Variants in THSD4 observed in about 807,000 individuals in gnomAD.
The protein encoded by THSD4 is thrombospondin type 1 domain containing 4.
Under a neutral mutation model 119.0 loss-of-function variants are expected in THSD4, and 69 were observed. That is an observed-to-expected ratio of 0.58 (90% CI 0.48 to 0.71). The LOEUF (loss-of-function observed/expected upper bound fraction) is 0.71, where lower values mean the gene tolerates loss of function less well. Among genes scored for constraint, THSD4 ranks in the 30% least tolerant of loss-of-function variants. THSD4 has a pLI of 0.00. For missense variants in THSD4, 1,393 were observed against 1,391.1 expected (o/e 1.00, Z -0.02); for synonymous variants, 524 against 540.4 (o/e 0.97, Z 0.42).
At chr15:71,476,063 A>G (rs2047651039) in intron 7 of THSD4, among the ~76,000 whole-genome samples, 1 of 152,150 alleles carries the variant, frequency 6.6e-6, no homozygotes, top group South Asian at 2.1e-4. Flanking sequence ...TTCTTTGTCT[A>G]CAAAATGGGG....
At chr15:71,308,266 G>A (rs934314971) in intron 6 of THSD4, among the ~76,000 whole-genome samples, 4 of 152,166 alleles carry the variant, frequency 2.6e-5, no homozygotes, top group African/African-American at 9.7e-5. Context: ...GAGCATCGCA[G>A]GCCTGCTGAG....
At chr15:71,235,980 C>G (rs2044102064) in intron 4 of THSD4, among the ~76,000 whole-genome samples, 1 of 152,136 alleles carries the variant, frequency 6.6e-6, no homozygotes, top group African/African-American at 2.4e-5. Context: ...GGTGGTCAGC[C>G]TCATTGCCTA....
rs1250435122 is a variant in THSD4 at position 71,326,690 on chromosome 15, AAAAAAAAAAAATATAT to A, written c.1015+69977_1015+69992del. On this transcript the variant is annotated intron_variant, in intron 6 of 17. Coordinates refer to ENST00000261862, the MANE Select transcript of THSD4 (RefSeq NM_024817.3). ...TTCCATCTCAAAAAAAAAAAAAAAA[AAAAAAAAAAAATATAT>A]ATATATATATATATATATATTAGCT... Among the ~76,000 whole-genome samples the A allele has an allele frequency of 5.0e-3, 75 of 15,020 alleles. 1 individual carries two copies. Among genetic ancestry groups the A allele is most frequent in the African/African-American group, 0.011 (73 of 6,832 alleles). 9.9% of individuals were successfully genotyped at this position (15,020 alleles called of 152,430 possible).
chr15:71,544,113 G>A (rs2048801907), intron 7 of THSD4, among the ~76,000 whole-genome samples: 1 of 152,192 alleles, frequency 6.6e-6, no homozygotes, highest in Non-Finnish European at 1.5e-5. Flanking sequence ...AGGGCAGATA[G>A]AGAGGAGACA....
chr15:71,468,038 G>A (rs547623061), intron 7 of THSD4, among the ~76,000 whole-genome samples: 2 of 151,990 alleles, frequency 1.3e-5, no homozygotes, highest in East Asian at 3.9e-4. Context: ...TAGTGGAAAC[G>A]AGGTTTCATC....
intron 7 of THSD4, among the ~76,000 whole-genome samples, chr15:71,483,481 C>T (rs1165545117): frequency 3.9e-5 from 6 of 152,066 alleles, no homozygotes; most frequent in Admixed American, 1.3e-4. Flanking sequence ...TGAGAGGTGG[C>T]GCTGTCTCAT....
At chr15:71,676,959 A>G (rs1175018322) in intron 8 of THSD4, among the ~76,000 whole-genome samples, 1 of 152,168 alleles carries the variant, frequency 6.6e-6, no homozygotes, top group Non-Finnish European at 1.5e-5. Flanking sequence ...TCTTTTGGGT[A>G]TATACCTAGG....
chr15:71,591,020 A>T, intron 7 of THSD4, among the ~76,000 whole-genome samples: 1 of 149,702 alleles, frequency 6.7e-6, no homozygotes, highest in Non-Finnish European at 1.5e-5. Flanking sequence ...AAAAAAAAAA[A>T]AAAAAAAAAA....
chr15:71,189,611 A>G (rs2141437638), intron 3 of THSD4, among the ~76,000 whole-genome samples: 1 of 151,914 alleles, frequency 6.6e-6, no homozygotes, highest in African/African-American at 2.4e-5. Flanking sequence ...TGGAGCTTAC[A>G]GTGAGCCGAG....
At chr15:71,776,739 T>C (rs142185880) in intron 17 of THSD4, among the ~76,000 whole-genome samples, 2,036 of 152,120 alleles carry the variant, frequency 0.013, 36 homozygotes, top group African/African-American at 0.046. Flanking sequence ...CAATAGAAAA[T>C]GATTAAATTG....
intron 6 of THSD4, among the ~76,000 whole-genome samples, chr15:71,373,329 C>T (rs1202787344): frequency 2.6e-5 from 4 of 152,222 alleles, no homozygotes; most frequent in African/African-American, 9.6e-5. Context: ...AATACACAGG[C>T]AGTTTTAGTG....
rs78948468 is a variant in THSD4 at position 71,615,604 on chromosome 15, G to A, written c.1153-44926G>A. On this transcript the variant is annotated intron_variant, in intron 7 of 17. Transcript: ENST00000261862. Reference sequence around the variant, plus strand: ...TCATCCTTTAGAATAAGTAGGTACAGAGTAGAGGACCAGGCTTCTTCCTTA... The same window carrying A: ...TCATCCTTTAGAATAAGTAGGTACAAAGTAGAGGACCAGGCTTCTTCCTTA... 3.8e-3 allele frequency among the ~76,000 whole-genome samples: 586 copies of A among 152,234 alleles called. 6 individuals are homozygous for A. Among genetic ancestry groups the A allele is most frequent in the African/African-American group, 0.013 (548 of 41,556 alleles).
rs1381125491 is a variant in THSD4 at position 71,727,386 on chromosome 15, A to G, written c.1358-1163A>G. 3.3e-5 allele frequency among the ~76,000 whole-genome samples: 5 copies of G among 151,780 alleles called. No individual in the cohort carries two copies. The East Asian group carries it at 7.7e-4, about 23-fold the overall frequency. On this transcript the variant is annotated intron_variant, in intron 8 of 17. Coordinates refer to ENST00000261862, the MANE Select transcript of THSD4 (RefSeq NM_024817.3). The stretch of plus-strand genomic sequence containing the variant: ...CTTTGCCACTTGTAGTAGACATGTA[A>G]GTAGAGAGAATTATAAGAAAAATTC...
At chr15:71,629,434 G>A (rs2050576286) in intron 7 of THSD4, among the ~76,000 whole-genome samples, 1 of 152,118 alleles carries the variant, frequency 6.6e-6, no homozygotes. Context: ...AGAGCCAGTG[G>A]GACCCTGAGG....
chr15:71,591,636 G>C (rs899777963), intron 7 of THSD4, among the ~76,000 whole-genome samples: 1 of 152,108 alleles, frequency 6.6e-6, no homozygotes, highest in Non-Finnish European at 1.5e-5. Context: ...AGATGTCAGA[G>C]GGCAGCTGTT....
Position 71,731,334 on chromosome 15 carries a change from A to T in THSD4, c.1630+117A>T, listed in dbSNP as rs558217981. The T allele has an allele frequency of 5.8e-6, 6 of 1,027,446 alleles. No homozygotes were observed. The African/African-American group carries it at 9.6e-5, about 16-fold the overall frequency. The allele number at this position is 1,027,446 out of a possible 1,614,324, so 63.6% of individuals were successfully genotyped here. On this transcript the variant is annotated intron_variant, in intron 10 of 17. Transcript: ENST00000261862. ...CGGTCAACACAGAGAAAATTGAGGG[A>T]CGCATATTTCAAAGCCAAGGGGCCT...
intron 7 of THSD4, among the ~76,000 whole-genome samples, chr15:71,607,039 G>A (rs182922494): frequency 6.6e-6 from 1 of 152,316 alleles, no homozygotes; most frequent in African/African-American, 2.4e-5. Context: ...TGGGCCAGCT[G>A]GGGGCCACAT....
At chr15:71,666,095 G>C (rs1019301668) in intron 8 of THSD4, among the ~76,000 whole-genome samples, 5 of 152,182 alleles carry the variant, frequency 3.3e-5, no homozygotes, top group African/African-American at 1.2e-4. Flanking sequence ...GCTTTGGGCA[G>C]TATAGCCATT....
chr15:71,275,308 A>G (rs1191915039), intron 6 of THSD4, among the ~76,000 whole-genome samples: 1 of 152,206 alleles, frequency 6.6e-6, no homozygotes, highest in East Asian at 1.9e-4. Flanking sequence ...GTGTTTTTAC[A>G]TCAAGACTAC....
Sources: gnomAD v4.1 joint callset for allele counts (sites outside exome capture counted in the v4.1 genomes callset) on GRCh38, gnomAD v4.1.1 for gene constraint, MANE v1.5 for transcripts, NCBI Gene and HGNC (gene_info 2026-07-23, HGNC 2026-07-21) for gene names.